The following MAGI2 variants were observed in gnomAD, a reference collection of about 807,000 sequenced individuals.
The protein encoded by MAGI2 is membrane associated guanylate kinase, WW and PDZ domain containing 2.
A neutral mutation model predicts 133.3 loss-of-function variants in MAGI2; 35 were observed. The observed-to-expected ratio is 0.26, with a 90% CI of 0.20 to 0.35. The LOEUF (loss-of-function observed/expected upper bound fraction) is 0.35, where lower values mean the gene tolerates loss of function less well. Among genes scored for constraint, MAGI2 ranks in the 10% least tolerant of loss-of-function variants. The pLI, the probability that MAGI2 is intolerant of heterozygous loss-of-function variation, is 1.00. For missense variants in MAGI2, 1,636 were observed against 1,863.4 expected, an observed-to-expected ratio of 0.88 and a Z score of 2.25; for synonymous variants, 729 against 710.6, an observed-to-expected ratio of 1.03 and a Z score of -0.41.
chr7:79,316,673 A>T (rs997668180), intron 1 of MAGI2, among the ~76,000 whole-genome samples: 1 of 152,158 alleles, frequency 6.6e-6, no homozygotes, highest in Non-Finnish European at 1.5e-5. Context: ...TAATTTTGAG[A>T]CTAATGTTGT....
At chr7:79,344,799 C>G (rs1841186231) in intron 1 of MAGI2, among the ~76,000 whole-genome samples, 1 of 152,002 alleles carries the variant, frequency 6.6e-6, no homozygotes, top group Non-Finnish European at 1.5e-5. Context: ...TGGCATTTAC[C>G]TGGGTGACTC....
intron 2 of MAGI2, among the ~76,000 whole-genome samples, chr7:78,723,752 C>T (rs1303454921): frequency 2.0e-5 from 3 of 152,054 alleles, no homozygotes; most frequent in African/African-American, 7.2e-5. Context: ...CCAGGGAGTA[C>T]TGACTCTATT....
intron 3 of MAGI2, among the ~76,000 whole-genome samples, chr7:78,573,241 T>TATAAATATATATAA (rs1801788213): frequency 9.7e-5 from 5 of 51,304 alleles, no homozygotes; most frequent in African/African-American, 8.7e-5. Context: ...TAAATATATA[T>TATAAATATATATAA]ATATAAATAT....
chr7:79,168,918 A>ATATATATATC, intron 1 of MAGI2, among the ~76,000 whole-genome samples: 1 of 40,790 alleles, frequency 2.5e-5, no homozygotes, highest in African/African-American at 6.7e-5. Flanking sequence ...ATATATATAT[A>ATATATATATC]TATATATATA....
chr7:78,884,468 C>T (rs542120267), intron 2 of MAGI2, among the ~76,000 whole-genome samples: 1 of 151,992 alleles, frequency 6.6e-6, no homozygotes, highest in Admixed American at 6.6e-5. Flanking sequence ...CAGAGCAAGA[C>T]CCTGTCTCCA....
At chr7:78,926,758 G>C (rs1286360319) in intron 2 of MAGI2, among the ~76,000 whole-genome samples, 1 of 151,852 alleles carries the variant, frequency 6.6e-6, no homozygotes, top group African/African-American at 2.4e-5. Flanking sequence ...ATTTTAAATA[G>C]AGACCATGGG....
At chr7:78,225,172 C>G (rs1248949561) in intron 10 of MAGI2, among the ~76,000 whole-genome samples, 1 of 152,118 alleles carries the variant, frequency 6.6e-6, no homozygotes, top group Non-Finnish European at 1.5e-5. Context: ...GCTGCAGCAG[C>G]CTTTCAGCTT....
At chr7:78,719,745 A>G (rs1304922754) in intron 2 of MAGI2, among the ~76,000 whole-genome samples, 2 of 152,142 alleles carry the variant, frequency 1.3e-5, no homozygotes, top group Non-Finnish European at 2.9e-5. Flanking sequence ...CTGCAGTACT[A>G]TCAATAGTTT....
intron 2 of MAGI2, among the ~76,000 whole-genome samples, chr7:78,829,475 T>C (rs1229439792): frequency 6.6e-6 from 1 of 152,130 alleles, no homozygotes; most frequent in East Asian, 1.9e-4. Flanking sequence ...AAAATCAGTA[T>C]GTTTATTGTA....
At position 78,521,818 on chromosome 7, in the gene MAGI2, A is replaced by G. The variant is rs75435882; in HGVS notation, c.539-173T>C. Among the ~76,000 whole-genome samples the G allele has an allele frequency of 0.014, 2,172 of 152,164 alleles. 54 individuals are homozygous for G. The highest frequency in any genetic ancestry group is 0.047 in the African/African-American group (1,930 of 41,496). On this transcript the variant is annotated intron_variant, in intron 3 of 21. Transcript: ENST00000354212. ...TCTATGTGTCTCTCTATATATATAC[A>G]TATTTATTTGTTCCTTCTGTTGCGT... is the stretch of plus-strand genomic sequence containing the variant.
chr7:78,703,422 A>G (rs1239549950), intron 2 of MAGI2, among the ~76,000 whole-genome samples: 1 of 152,032 alleles, frequency 6.6e-6, no homozygotes, highest in Non-Finnish European at 1.5e-5. Context: ...TGTGGCAAAC[A>G]TTTTGAGATT....
At chr7:78,290,731 A>G (rs1475334800) in intron 9 of MAGI2, among the ~76,000 whole-genome samples, 2 of 152,204 alleles carry the variant, frequency 1.3e-5, no homozygotes, top group Admixed American at 6.5e-5. Context: ...AAAATAACAG[A>G]AATTATAACA....
chr7:78,169,509 G>A (rs921070814), intron 14 of MAGI2, among the ~76,000 whole-genome samples: 7 of 22,012 alleles, frequency 3.2e-4, no homozygotes. Context: ...GCTCAGTGTG[G>A]CCTGTTAACA....
chr7:78,574,733 TG>T (rs1802085890), intron 3 of MAGI2, among the ~76,000 whole-genome samples: 1 of 152,170 alleles, frequency 6.6e-6, no homozygotes, highest in Non-Finnish European at 1.5e-5. Flanking sequence ...TCACCACAAG[TG>T]GAAAGTGATA....
intron 2 of MAGI2, among the ~76,000 whole-genome samples, chr7:78,743,716 C>G (rs1822648789): frequency 6.6e-6 from 1 of 152,124 alleles, no homozygotes; most frequent in Non-Finnish European, 1.5e-5. Context: ...CACCAAAAGG[C>G]TTTATAAGCA....
At chr7:78,625,224 TA>T (rs905085516) in intron 3 of MAGI2, among the ~76,000 whole-genome samples, 1 of 151,822 alleles carries the variant, frequency 6.6e-6, no homozygotes, top group South Asian at 2.1e-4. Context: ...CATCGAGAGA[TA>T]AAAAAAGAAC....
chr7:78,340,945 A>C (rs1790305497), intron 9 of MAGI2, among the ~76,000 whole-genome samples: 1 of 152,354 alleles, frequency 6.6e-6, no homozygotes, highest in South Asian at 2.1e-4. Context: ...TAGTATTGGA[A>C]GTTCTGGCTG....
chr7:78,303,880 TACTC>T (rs1230656443), intron 9 of MAGI2, among the ~76,000 whole-genome samples: 38 of 152,186 alleles, frequency 2.5e-4, no homozygotes, highest in Admixed American at 2.5e-3. Flanking sequence ...TCTCGCTGCC[TACTC>T]ACTATCTTCA....
chr7:79,004,198 A>T (rs891041509), intron 2 of MAGI2, among the ~76,000 whole-genome samples: 10 of 152,182 alleles, frequency 6.6e-5, no homozygotes, highest in Non-Finnish European at 1.2e-4. Flanking sequence ...AAAGACAAGG[A>T]CTCAACTGAA....
Sources: allele counts gnomAD v4.1 joint callset (sites outside exome capture counted in the v4.1 genomes callset), GRCh38; gene constraint gnomAD v4.1.1; transcripts MANE v1.5; gene names NCBI Gene and HGNC (gene_info 2026-07-23, HGNC 2026-07-21).